NSL1: variants seen among roughly 807,000 people sequenced by gnomAD.
NSL1 encodes kinetochore-associated protein NSL1 homolog.
In NSL1, 11 loss-of-function variants were observed where a neutral mutation model predicts 25.4. The ratio of observed to expected loss-of-function variants is 0.43; its 90% CI spans 0.27 to 0.72. The LOEUF is 0.72. Ranked by LOEUF, NSL1 falls within the 30% of genes least tolerant of loss-of-function variation. The pLI is 0.19. For missense variants in NSL1, 330 were observed against 342.7 expected (o/e 0.96, Z 0.29); for synonymous variants, 118 against 120.6 (o/e 0.98, Z 0.14).
chr1:212,761,226 A>G (rs1016165075), intron 4 of NSL1, among the ~76,000 whole-genome samples: 2 of 152,226 alleles, frequency 1.3e-5, no homozygotes, highest in African/African-American at 2.4e-5. Context: ...AACAACTATG[A>G]TAATTCTCCA....
chr1:212,750,167 CA>C (rs1260343966), intron 4 of NSL1, among the ~76,000 whole-genome samples: 2 of 151,670 alleles, frequency 1.3e-5, no homozygotes, highest in Non-Finnish European at 2.9e-5. Flanking sequence ...GTTCAGTAGT[CA>C]TGATGGACCA....
rs573059158 is a variant in NSL1 at position 212,737,229 on chromosome 1, G to A, written c.*1179C>T. The A allele has an allele frequency of 2.0e-6, 2 of 985,192 alleles. No homozygotes were observed. Among genetic ancestry groups the A allele is most frequent in the South Asian group, 4.7e-5 (1 of 21,294 alleles). The allele number at this position is 985,192 out of a possible 1,614,324, so 61.0% of individuals were successfully genotyped here. A position where few individuals can be genotyped will look rare whatever the true frequency, so the allele number is the denominator to read the frequency against. On this transcript the variant is annotated 3_prime_UTR_variant, in exon 6 of 6. Transcript: ENST00000366977. ...TGTACAAATATACAGATCTCAAACT[G>A]TAACACTGAAACACAAAATGCAACA...
intron 4 of NSL1, chr1:212,764,076 T>C (rs2102457149): frequency 4.8e-6 from 2 of 419,442 alleles, no homozygotes; most frequent in East Asian, 8.1e-5. Context: ...TCCTATCAAG[T>C]ATCTTCTCAG....
At chr1:212,771,632 A>AAAT (rs1660121231) in intron 4 of NSL1, among the ~76,000 whole-genome samples, 1 of 151,020 alleles carries the variant, frequency 6.6e-6, no homozygotes, top group Non-Finnish European at 1.5e-5. Flanking sequence ...AAAAAAAAAA[A>AAAT]CCTTAGAACT....
chr1:212,728,186 T>C lies in NSL1; in HGVS notation c.*10222A>G, dbSNP rs183186812. On this transcript the variant is annotated 3_prime_UTR_variant, in exon 6 of 6. Transcript: ENST00000366977. The stretch of plus-strand genomic sequence containing the variant: ...GCATGTGAAGCTTTTAGCATGATCA[T>C]GGCATGTAGTAAGCACTCAATACAT... 3 of 923,956 alleles carry C rather than the reference T, an allele frequency of 3.2e-6. No individual in the cohort carries two copies. In the East Asian group the frequency reaches 3.5e-4, roughly 109 times the overall value. 57.2% of individuals were successfully genotyped at this position (923,956 alleles called of 1,614,324 possible). A position where few individuals can be genotyped will look rare whatever the true frequency, so the allele number is the denominator to read the frequency against.
At chr1:212,763,833 G>T (rs886105241) in intron 4 of NSL1, among the ~76,000 whole-genome samples, 28 of 152,174 alleles carry the variant, frequency 1.8e-4, no homozygotes, top group African/African-American at 6.3e-4. Flanking sequence ...CAATAATAGT[G>T]TGGGACTTCA....
chr1:212,751,182 G>A (rs1418837618), intron 4 of NSL1, among the ~76,000 whole-genome samples: 1 of 152,100 alleles, frequency 6.6e-6, no homozygotes, highest in African/African-American at 2.4e-5. Context: ...GAGAAACTTA[G>A]TTATAAAAGG....
chr1:212,753,968 T>C (rs1183110862), intron 4 of NSL1, among the ~76,000 whole-genome samples: 2 of 152,258 alleles, frequency 1.3e-5, no homozygotes, highest in African/African-American at 4.8e-5. Context: ...CAAGGGGGCA[T>C]GCATGTGTGA....
At chr1:212,768,586 T>C (rs927541615) in intron 4 of NSL1, among the ~76,000 whole-genome samples, 2 of 152,090 alleles carry the variant, frequency 1.3e-5, no homozygotes, top group African/African-American at 4.8e-5. Context: ...CTGGATGGAG[T>C]TGGAGTCCAT....
chr1:212,753,405 G>C (rs1160751335), intron 4 of NSL1, among the ~76,000 whole-genome samples: 4 of 152,088 alleles, frequency 2.6e-5, no homozygotes, highest in Admixed American at 6.6e-5. Context: ...TCTTCCCTCT[G>C]CTTGACAGCT....
At chr1:212,741,479 G>C (rs1658504899) in intron 4 of NSL1, among the ~76,000 whole-genome samples, 1 of 152,180 alleles carries the variant, frequency 6.6e-6, no homozygotes, top group African/African-American at 2.4e-5. Flanking sequence ...ACTGTGTTAT[G>C]ATAGTGAGTG....
intron 4 of NSL1, among the ~76,000 whole-genome samples, chr1:212,761,141 T>C (rs1359654320): frequency 6.6e-6 from 1 of 152,356 alleles, no homozygotes; most frequent in East Asian, 1.9e-4. Context: ...AAGAAGTAAC[T>C]GTTTCACCAA....
rs1658844454 is a variant in NSL1, at chr1:212,747,300, T to C, written c.500-7699A>G. On this transcript the variant is annotated intron_variant, in intron 4 of 5. Transcript: ENST00000366977. The stretch of plus-strand genomic sequence containing the variant: ...ATTAGGTTATAAAAAAGACAACTTC[T>C]GTCTTGGGTATTCATTTATTCATTC... Among the ~76,000 whole-genome samples, 3 of 152,222 alleles carry C rather than the reference T, an allele frequency of 2.0e-5. No individual in the cohort carries two copies. In the South Asian group the frequency reaches 6.2e-4, roughly 31 times the overall value.
intron 4 of NSL1, among the ~76,000 whole-genome samples, chr1:212,764,746 T>A (rs1277283812): frequency 7.0e-6 from 1 of 142,538 alleles, no homozygotes; most frequent in Non-Finnish European, 1.5e-5. Flanking sequence ...CTTGGGAGGC[T>A]GAGGAAGGAG....
In NSL1 at chr1:212,759,407, T is replaced by C. The variant is rs1659456104; in HGVS notation, c.500-19806A>G. On this transcript the variant is annotated intron_variant, in intron 4 of 5. Transcript: ENST00000366977. The stretch of plus-strand genomic sequence containing the variant: ...CAGCAGAACAGTGACAGGGAACAAC[T>C]GAGGCATGGGAAGAAAGGGAAGCAG... Among the ~76,000 whole-genome samples the C allele has an allele frequency of 2.0e-5, 3 of 152,174 alleles. No homozygotes were observed. In the South Asian group the frequency reaches 6.2e-4, roughly 32 times the overall value.
intron 4 of NSL1, among the ~76,000 whole-genome samples, chr1:212,740,358 G>A (rs1420870687): frequency 6.6e-6 from 1 of 152,022 alleles, no homozygotes; most frequent in African/African-American, 2.4e-5. Context: ...CTTGTCTTAG[G>A]TTCATCTTTA....
chr1:212,776,807 A>G (rs1222903026), intron 4 of NSL1, among the ~76,000 whole-genome samples: 1 of 152,002 alleles, frequency 6.6e-6, no homozygotes, highest in Admixed American at 6.5e-5. Flanking sequence ...CTGAACTATG[A>G]AAGTTCTACA....
At chr1:212,756,994 G>T (rs1659341594) in intron 4 of NSL1, among the ~76,000 whole-genome samples, 1 of 152,166 alleles carries the variant, frequency 6.6e-6, no homozygotes, top group Non-Finnish European at 1.5e-5. Flanking sequence ...GATCAAGGGA[G>T]TCATAAGAGA....
Position 212,760,341 on chromosome 1 carries a change from G to A in NSL1, c.500-20740C>T, listed in dbSNP as rs1659505916. 6.6e-6 allele frequency among the ~76,000 whole-genome samples: 1 copy of A among 152,126 alleles called. No homozygotes were observed. The highest frequency in any genetic ancestry group is 1.5e-5 in the Non-Finnish European group (1 of 68,008). Reference sequence around the variant, plus strand: ...CACCAGTGTCTGAGAGCGCCATCTAGGGGCCCAGGAATAGCCTCATTCTGT... The same window carrying A: ...CACCAGTGTCTGAGAGCGCCATCTAAGGGCCCAGGAATAGCCTCATTCTGT... On this transcript the variant is annotated intron_variant, in intron 4 of 5. Transcript: ENST00000366977. The surrounding 1 kb of genome is among the most constrained non-coding windows in gnomAD (Gnocchi z 4.3).
Sources: allele counts gnomAD v4.1 joint callset (sites outside exome capture counted in the v4.1 genomes callset), GRCh38; gene constraint gnomAD v4.1.1; non-coding constraint Gnocchi (gnomAD v3.1); transcripts MANE v1.5; gene names NCBI Gene and HGNC (gene_info 2026-07-23, HGNC 2026-07-21).